Variants in ANKRD17 observed in about 807,000 individuals in gnomAD.
ANKRD17 encodes the protein ankyrin repeat domain-containing protein 17.
ANKRD17 carries 19 observed loss-of-function variants against 229.7 expected under a neutral mutation model. The ratio of observed to expected loss-of-function variants is 0.08; its 90% CI spans 0.06 to 0.12. The LOEUF is 0.12. ANKRD17 is among the 10% of genes least tolerant of loss of function. ANKRD17 has a pLI of 1.00. For missense variants in ANKRD17, 2,176 were observed against 3,176.8 expected, an observed-to-expected ratio of 0.68 and a Z score of 7.57; for synonymous variants, 1,112 against 1,146.1, an observed-to-expected ratio of 0.97 and a Z score of 0.60.
In ANKRD17 at chr4:73,232,761, T is replaced by C. The variant is rs1743170933; in HGVS notation, c.393+25515A>G. Among the ~76,000 whole-genome samples the C allele has an allele frequency of 2.6e-5, 4 of 152,132 alleles. No homozygotes were observed. The South Asian group carries it at 8.3e-4, about 32-fold the overall frequency. On this transcript the variant is annotated intron_variant, in intron 1 of 33. Transcript: ENST00000358602. ...TTTTTTGAGACAGAGCCTCACTCTC[T>C]TGCCCAGGCTACAGTTCAGTGATAT... is the stretch of plus-strand genomic sequence containing the variant.
At chr4:73,209,240 A>G (rs1308618722) in intron 1 of ANKRD17, among the ~76,000 whole-genome samples, 1 of 152,154 alleles carries the variant, frequency 6.6e-6, no homozygotes, top group East Asian at 1.9e-4. Context: ...AAGAAAAACA[A>G]AATAGAAAAT....
intron 33 of ANKRD17, 84 bp downstream of exon 33, chr4:73,076,856 C>G: frequency 1.4e-6 from 2 of 1,453,810 alleles, no homozygotes; most frequent in South Asian, 1.4e-5. Context: ...AACTCTCTTG[C>G]TATCATGAGT....
chr4:73,161,264 G>A lies in ANKRD17; in HGVS notation c.632C>T (p.Ala211Val). The change falls in exon 3 of 34, where the codon GCG (alanine) becomes GTG (valine). Residue 211 changes from alanine (A) to valine (V), a missense_variant. Coordinates refer to ENST00000358602, the MANE Select transcript of ANKRD17 (RefSeq NM_032217.5). ...AAGTGCAGCAGCAGCTTCATCCAACGCACAACTAACAGACGATGTCAACCT... is the reference window on the plus strand; with the variant it reads ...AAGTGCAGCAGCAGCTTCATCCAACACACAACTAACAGACGATGTCAACCT... ...LRRLTSSVSC[A>V]LDEAAAALTR... The A allele has an allele frequency of 1.9e-6, 3 of 1,614,190 alleles. No individual in the cohort carries two copies. Among genetic ancestry groups the A allele is most frequent in the Non-Finnish European group, 2.5e-6 (3 of 1,180,042 alleles).
chr4:73,153,669 C>T (rs1731290460), intron 6 of ANKRD17, among the ~76,000 whole-genome samples: 3 of 152,078 alleles, frequency 2.0e-5, no homozygotes, highest in Admixed American at 2.0e-4. Context: ...TCAATTAATA[C>T]TCATTTTTCA....
At chr4:73,078,532 A>T in intron 31 of ANKRD17, 110 bp downstream of exon 31, 1 of 1,323,750 alleles carries the variant, frequency 7.6e-7, no homozygotes, top group Non-Finnish European at 1.0e-6. Context: ...GTGAAACTCC[A>T]TCTCAAAAAA....
chr4:73,135,430 T>C (rs1390158605), intron 15 of ANKRD17, among the ~76,000 whole-genome samples, 165 bp from the exon 16 acceptor site: 8 of 152,224 alleles, frequency 5.3e-5, no homozygotes, highest in Non-Finnish European at 8.8e-5. Context: ...CTGATGACAG[T>C]GTAAAATTGT....
At chr4:73,153,021 C>T (rs1295583838) in intron 6 of ANKRD17, among the ~76,000 whole-genome samples, 1 of 152,088 alleles carries the variant, frequency 6.6e-6, no homozygotes, top group Non-Finnish European at 1.5e-5. Flanking sequence ...ACAACCTTGG[C>T]TACTCTTATA....
intron 1 of ANKRD17, among the ~76,000 whole-genome samples, chr4:73,226,615 G>C (rs1742538725): frequency 6.7e-6 from 1 of 149,924 alleles, no homozygotes. Context: ...GGCTGGTCTT[G>C]AATTCCTGAC....
At chr4:73,088,720 C>T (rs896605113) in intron 29 of ANKRD17, among the ~76,000 whole-genome samples, 57 of 152,070 alleles carry the variant, frequency 3.7e-4, no homozygotes, top group Non-Finnish European at 4.9e-4. Context: ...TATTTACTGA[C>T]CACCTTCATT....
At chr4:73,166,359 T>C (rs1462415993) in intron 2 of ANKRD17, among the ~76,000 whole-genome samples, 3 of 152,174 alleles carry the variant, frequency 2.0e-5, no homozygotes, top group African/African-American at 7.2e-5. Context: ...AAGTCATAAA[T>C]AAGTTTGGCA....
rs368562225 is a variant in ANKRD17, at chr4:73,102,341, A to G, written c.4573+35T>C. On this transcript the variant is annotated intron_variant, in intron 25 of 33. Transcript: ENST00000358602. ...AAGTAAATATAATTTTAACTAGAATATAAAACAAATGGGATGGTTGTTAAG... is the reference window on the plus strand; with the variant it reads ...AAGTAAATATAATTTTAACTAGAATGTAAAACAAATGGGATGGTTGTTAAG... 5 of 1,559,050 alleles carry G rather than the reference A, an allele frequency of 3.2e-6. No homozygotes were observed. In the African/African-American group the frequency reaches 4.2e-5, roughly 13 times the overall value.
At chr4:73,223,132 C>G in intron 1 of ANKRD17, 1 of 1,302,720 alleles carries the variant, frequency 7.7e-7, no homozygotes, top group South Asian at 1.3e-5. Context: ...TGTTCTATTA[C>G]ATGCCTAAAG....
In ANKRD17 at chr4:73,097,137, T is replaced by C; in HGVS notation, c.5157A>G (p.Gly1719=). The C allele has an allele frequency of 1.2e-6, 2 of 1,610,128 alleles. No homozygotes were observed. The highest frequency in any genetic ancestry group is 8.5e-7 in the Non-Finnish European group (1 of 1,178,732). Residue 1719 remains glycine, a synonymous_variant, in exon 27 of 34, where the codon GGA becomes GGG. Coordinates refer to ENST00000358602, the MANE Select transcript of ANKRD17 (RefSeq NM_032217.5). ...SPKRGQKREE[G]WKEVVRRSKK... The stretch of plus-strand genomic sequence containing the variant: ...CTCACCTTCTTACAACTTCTTTCCA[T>C]CCTTCTTCCCTCTTTTGCCCACGCT...
chr4:73,177,976 G>A (rs1325041019), intron 1 of ANKRD17, among the ~76,000 whole-genome samples: 1 of 152,002 alleles, frequency 6.6e-6, no homozygotes, highest in East Asian at 1.9e-4. Context: ...TACCATACTG[G>A]AAATTAAGTA....
intron 1 of ANKRD17, among the ~76,000 whole-genome samples, chr4:73,230,134 C>A (rs1321812885): frequency 6.6e-6 from 1 of 151,908 alleles, no homozygotes. Flanking sequence ...CAAAATAAGA[C>A]AGTTGAACAT....
chr4:73,188,534 G>A (rs546521806), intron 1 of ANKRD17, among the ~76,000 whole-genome samples: 2 of 152,150 alleles, frequency 1.3e-5, no homozygotes, highest in South Asian at 2.1e-4. Context: ...GCAGTGAGCC[G>A]AGATTGTGCC....
chr4:73,131,057 A>C (rs1164487161), intron 16 of ANKRD17, among the ~76,000 whole-genome samples: 2 of 152,222 alleles, frequency 1.3e-5, no homozygotes, highest in Non-Finnish European at 2.9e-5. Flanking sequence ...CAAAAGGTGT[A>C]ATAAAAATAG....
At chr4:73,138,767 A>C (rs1729232908) in intron 15 of ANKRD17, among the ~76,000 whole-genome samples, 1 of 152,108 alleles carries the variant, frequency 6.6e-6, no homozygotes, top group Admixed American at 6.5e-5. Context: ...TCATCCCATT[A>C]CTTTGTTACA....
chr4:73,253,978 T>TA (rs879777384), intron 1 of ANKRD17, among the ~76,000 whole-genome samples: 7 of 152,184 alleles, frequency 4.6e-5, no homozygotes, highest in Non-Finnish European at 2.9e-5. Flanking sequence ...GTACTGTGCT[T>TA]AAGCAGGAGA....
Sources: gnomAD v4.1 joint callset for allele counts (sites outside exome capture counted in the v4.1 genomes callset) on GRCh38, gnomAD v4.1.1 for gene constraint, MANE v1.5 for transcripts, NCBI Gene and HGNC (gene_info 2026-07-23, HGNC 2026-07-21) for gene names.